Variants in CSRP2 observed in about 807,000 individuals in gnomAD.
The protein encoded by CSRP2 is cysteine and glycine-rich protein 2.
In CSRP2, 18 loss-of-function variants were observed where a neutral mutation model predicts 24.6. The ratio of observed to expected loss-of-function variants is 0.73; its 90% confidence interval spans 0.51 to 1.09. The LOEUF is 1.09. Among genes scored for constraint, CSRP2 ranks in the 50% least tolerant of loss-of-function variants. CSRP2 has a pLI of 0.00. For missense variants in CSRP2, 215 were observed against 239.4 expected, an observed-to-expected ratio of 0.90 and a Z score of 0.67; for synonymous variants, 87 against 84.3, an observed-to-expected ratio of 1.03 and a Z score of -0.18.
intron 2 of CSRP2, chr12:76,863,565 A>G (rs2137825281): frequency 2.2e-6 from 1 of 454,650 alleles, no homozygotes; most frequent in South Asian, 5.4e-5. Flanking sequence ...GTTGCTTCAG[A>G]AATGTATCAG....
In CSRP2 at chr12:76,858,792, C is replaced by G; in HGVS notation, c.*160G>C. On this transcript the variant is annotated 3_prime_UTR_variant, in exon 6 of 6. Transcript: ENST00000311083. ...GTGAATAAAGCAAAAGGATACCATA[C>G]AGTGCTCTCTTCCTACGAGTTAGCC... The G allele has an allele frequency of 1.8e-6, 1 of 564,816 alleles. No homozygotes were observed. Among genetic ancestry groups the G allele is most frequent in the Non-Finnish European group, 3.2e-6 (1 of 309,488 alleles). 35.0% of individuals were successfully genotyped at this position (564,816 alleles called of 1,614,324 possible). A position where few individuals can be genotyped will look rare whatever the true frequency, so the allele number is the denominator to read the frequency against.
In CSRP2 at chr12:76,859,564, CCTT is replaced by C. The variant is rs781370160; in HGVS notation, c.485_487del (p.Glu162del). 1.9e-6 allele frequency: 3 copies of C among 1,612,666 alleles called. No individual in the cohort carries two copies. The highest frequency in any genetic ancestry group is 1.3e-5 in the African/African-American group (1 of 74,768). On this transcript the variant is annotated inframe_deletion, in exon 5 of 6. Transcript: ENST00000311083. ...AATTTTACCTTTACAATAGATTTCACCTTCTTTTTCAGTCAGAGTTGTTGATTC... is the reference window on the plus strand; with the variant it reads ...AATTTTACCTTTACAATAGATTTCACCTTTTTCAGTCAGAGTTGTTGATTC...
intron 1 of CSRP2, among the ~76,000 whole-genome samples, chr12:76,868,790 G>A (rs1444088273): frequency 6.6e-6 from 1 of 152,024 alleles, no homozygotes; most frequent in Non-Finnish European, 1.5e-5. Flanking sequence ...AAAATTAGCC[G>A]GGCACGGTGG....
At chr12:76,870,327 A>G (rs1454156383) in intron 1 of CSRP2, among the ~76,000 whole-genome samples, 1 of 152,204 alleles carries the variant, frequency 6.6e-6, no homozygotes, top group African/African-American at 2.4e-5. Flanking sequence ...CTTCCATACC[A>G]TTGAAGAACA....
At chr12:76,868,496 C>T (rs1953756858) in intron 1 of CSRP2, among the ~76,000 whole-genome samples, 1 of 152,196 alleles carries the variant, frequency 6.6e-6, no homozygotes, top group South Asian at 2.1e-4. Context: ...TGTGACTTTG[C>T]TTCTCATTCA....
chr12:76,867,333 A>T (rs1244145124), intron 1 of CSRP2, among the ~76,000 whole-genome samples: 2 of 20,210 alleles, frequency 9.9e-5, no homozygotes, highest in Non-Finnish European at 2.0e-4. Context: ...TGCTAAATTT[A>T]AAAAAAAAAA....
chr12:76,875,608 T>C (rs12321957), intron 1 of CSRP2, among the ~76,000 whole-genome samples: 16,567 of 152,238 alleles, frequency 0.11, 999 homozygotes, highest in Non-Finnish European at 0.14. Flanking sequence ...AGACTCTTGT[T>C]TATTTGCCAA....
At position 76,859,717 on chromosome 12, in the gene CSRP2, G is replaced by GCCA. The variant is rs1953656476; in HGVS notation, c.412-78_412-77insTGG. On this transcript the variant is annotated intron_variant, in intron 4 of 5. Coordinates refer to ENST00000311083, the MANE Select transcript of CSRP2 (RefSeq NM_001321.3). ...CAATTTAGATGTATGGCAAGAAGTGGCTCAGGATGATCATCTCAAAGCAAG... is the reference window on the plus strand; with the variant it reads ...CAATTTAGATGTATGGCAAGAAGTGGCCACTCAGGATGATCATCTCAAAGCAAG... The GCCA allele has an allele frequency of 2.8e-6, 3 of 1,083,892 alleles. No individual in the cohort carries two copies. In the Admixed American group the frequency reaches 6.8e-5, roughly 25 times the overall value. 67.1% of individuals were successfully genotyped at this position (1,083,892 alleles called of 1,614,324 possible). A position where few individuals can be genotyped will look rare whatever the true frequency, so the allele number is the denominator to read the frequency against.
intron 1 of CSRP2, among the ~76,000 whole-genome samples, chr12:76,876,382 A>G (rs926668753): frequency 6.6e-6 from 1 of 152,230 alleles, no homozygotes; most frequent in African/African-American, 2.4e-5. Flanking sequence ...TGCCTGTGGT[A>G]AAAAGGAATT....
In CSRP2 at chr12:76,873,310, C is replaced by T. The variant is rs143141104; in HGVS notation, c.-2+5628G>A. Among the ~76,000 whole-genome samples the T allele has an allele frequency of 4.9e-4, 75 of 152,306 alleles. No individual in the cohort carries two copies. In the East Asian group the frequency reaches 0.012, roughly 25 times the overall value. Reference sequence around the variant, plus strand: ...GTAAGTTAGTAGCACTGTCCCGTTACGATGACTTTTTAGCAAGACCAGGAT... The same window carrying T: ...GTAAGTTAGTAGCACTGTCCCGTTATGATGACTTTTTAGCAAGACCAGGAT... On this transcript the variant is annotated intron_variant, in intron 1 of 5. Coordinates refer to ENST00000311083, the MANE Select transcript of CSRP2 (RefSeq NM_001321.3).
At chr12:76,859,320 A>T in intron 5 of CSRP2, 1 of 596,454 alleles carries the variant, frequency 1.7e-6, no homozygotes, top group South Asian at 2.2e-5. Flanking sequence ...TGCTCAAGAC[A>T]TGAAGGCAAA....
intron 1 of CSRP2, chr12:76,878,201 G>A: frequency 6.6e-6 from 1 of 152,208 alleles, no homozygotes; most frequent in Non-Finnish European, 1.5e-5. Flanking sequence ...GGAGAACCCA[G>A]AATGTGATTC....
chr12:76,873,501 A>G (rs894837725), intron 1 of CSRP2, among the ~76,000 whole-genome samples: 7 of 152,186 alleles, frequency 4.6e-5, no homozygotes. Context: ...TCCGTACTCC[A>G]TTTGGCTCCT....
intron 1 of CSRP2, among the ~76,000 whole-genome samples, chr12:76,874,123 G>C (rs1953828902): frequency 6.6e-6 from 1 of 152,148 alleles, no homozygotes; most frequent in African/African-American, 2.4e-5. Context: ...TTGAAGGTCT[G>C]CACCATTTAC....
In CSRP2 at chr12:76,864,006, T is replaced by C. The variant is rs572654134; in HGVS notation, c.113-662A>G. On this transcript the variant is annotated intron_variant, in intron 2 of 5. Transcript: ENST00000311083. The stretch of plus-strand genomic sequence containing the variant: ...CAGCAGCTTCTCCAGCAGTGATGAG[T>C]CTGCCTGAAAATCGTCAAGTGCTTT... The C allele has an allele frequency of 3.3e-5, 5 of 152,316 alleles. No homozygotes were observed. The South Asian group carries it at 1.0e-3, about 32-fold the overall frequency. The allele number at this position is 152,316 out of a possible 1,614,324, so 9.4% of individuals were successfully genotyped here. A position where few individuals can be genotyped will look rare whatever the true frequency, so the allele number is the denominator to read the frequency against.
intron 1 of CSRP2, among the ~76,000 whole-genome samples, chr12:76,870,425 AC>A (rs1290991466): frequency 6.6e-6 from 1 of 152,216 alleles, no homozygotes; most frequent in Non-Finnish European, 1.5e-5. Context: ...AGTTAACTGC[AC>A]CAGCCAAACG....
intron 1 of CSRP2, among the ~76,000 whole-genome samples, 183 bp from the exon 2 acceptor site, chr12:76,866,444 AT>A (rs1953736704): frequency 6.6e-6 from 1 of 150,444 alleles, no homozygotes; most frequent in Non-Finnish European, 1.5e-5. Flanking sequence ...CAACTCTTTC[AT>A]TAGGAAACTG....
chr12:76,862,819 G>T, intron 3 of CSRP2: 1 of 1,498,234 alleles, frequency 6.7e-7, no homozygotes, highest in Non-Finnish European at 8.8e-7. Flanking sequence ...CATTGCACAT[G>T]AGAAACACCT....
chr12:76,874,253 A>G (rs556389167), intron 1 of CSRP2, among the ~76,000 whole-genome samples: 3 of 152,302 alleles, frequency 2.0e-5, no homozygotes, highest in African/African-American at 7.2e-5. Context: ...AACTGTGATT[A>G]ATTATTTTTG....
Sources: allele counts gnomAD v4.1 joint callset (sites outside exome capture counted in the v4.1 genomes callset), GRCh38; gene constraint gnomAD v4.1.1; transcripts MANE v1.5; gene names NCBI Gene and HGNC (gene_info 2026-07-23, HGNC 2026-07-21).